The following THSD4 variants were observed in gnomAD, a reference collection of about 807,000 sequenced individuals.
THSD4 encodes thrombospondin type-1 domain-containing protein 4.
Under a neutral mutation model 119.0 loss-of-function variants are expected in THSD4, and 69 were observed. That is an observed-to-expected ratio of 0.58 (90% confidence interval 0.48 to 0.71). The LOEUF (loss-of-function observed/expected upper bound fraction) is 0.71. Ranked by LOEUF, THSD4 falls within the 30% of genes least tolerant of loss-of-function variation. The probability of loss-of-function intolerance (pLI) is 0.00; values close to 1 mark genes in which losing one functional copy is unlikely to be tolerated. For synonymous variants in THSD4, 524 were observed against 540.4 expected (o/e 0.97, Z 0.42); for missense variants, 1,393 against 1,391.1 (o/e 1.00, Z -0.02).
chr15:71,476,352 C>T (rs1231816184), intron 7 of THSD4, among the ~76,000 whole-genome samples: 1 of 152,216 alleles, frequency 6.6e-6, no homozygotes, highest in Non-Finnish European at 1.5e-5. Flanking sequence ...CTGCCTCAGC[C>T]TCCAGAGTAG....
chr15:71,459,160 C>CTTTTTTTTTTTTTTTT lies in THSD4; in HGVS notation c.1152+47340_1152+47355dup, dbSNP rs372209662. 2.3e-4 allele frequency among the ~76,000 whole-genome samples: 29 copies of CTTTTTTTTTTTTTTTT among 128,882 alleles called. 1 individual carries two copies. The highest frequency in any genetic ancestry group is 6.1e-4 in the African/African-American group (21 of 34,598). The allele number at this position is 128,882 out of a possible 152,430, so 84.6% of individuals were successfully genotyped here. A position where few individuals can be genotyped will look rare whatever the true frequency, so the allele number is the denominator to read the frequency against. On this transcript the variant is annotated intron_variant, in intron 7 of 17. Coordinates refer to ENST00000261862, the MANE Select transcript of THSD4 (RefSeq NM_024817.3). ...CTTTTCTTTTTCATTTTCTTTTTTT[C>CTTTTTTTTTTTTTTTT]TTTTTTTTTTTTTTTTTTGACAGAG... is the stretch of plus-strand genomic sequence containing the variant.
At position 71,417,308 on chromosome 15, in the gene THSD4, C is replaced by T. The variant is rs1202296203; in HGVS notation, c.1152+5485C>T. Among the ~76,000 whole-genome samples, 2 of 107,326 alleles carry T rather than the reference C, an allele frequency of 1.9e-5. 1 individual carries two copies. The highest frequency in any genetic ancestry group is 6.4e-5 in the African/African-American group (2 of 31,422). 70.4% of individuals were successfully genotyped at this position (107,326 alleles called of 152,430 possible). On this transcript the variant is annotated intron_variant, in intron 7 of 17. Coordinates refer to ENST00000261862, the MANE Select transcript of THSD4 (RefSeq NM_024817.3). The stretch of plus-strand genomic sequence containing the variant: ...GGGGTATTACTCAAGAAATCTCTGC[C>T]CAGTCCTATGTCCCAGAGAGTTCCC...
chr15:71,165,249 T>C, intron 3 of THSD4: 8 of 1,564,546 alleles, frequency 5.1e-6, no homozygotes, highest in Middle Eastern at 3.8e-4. Flanking sequence ...AATTTTCCTT[T>C]GTCTTTAGCA....
intron 8 of THSD4, among the ~76,000 whole-genome samples, chr15:71,673,035 A>G (rs573555105): frequency 3.1e-4 from 47 of 152,200 alleles, no homozygotes; most frequent in South Asian, 2.1e-3. Context: ...CTCTCTTTCT[A>G]TTGATTGGAA....
intron 6 of THSD4, among the ~76,000 whole-genome samples, chr15:71,377,753 A>T (rs538923222): frequency 4.9e-4 from 74 of 152,132 alleles, no homozygotes; most frequent in African/African-American, 1.8e-3. Flanking sequence ...ACAAGGTTGC[A>T]GGTCATCCTG....
At chr15:71,475,176 A>G (rs113940299) in intron 7 of THSD4, among the ~76,000 whole-genome samples, 5 of 152,228 alleles carry the variant, frequency 3.3e-5, no homozygotes, top group African/African-American at 1.2e-4. Flanking sequence ...AGCCTCAGAT[A>G]GTCGTTAAGT....
intron 6 of THSD4, among the ~76,000 whole-genome samples, chr15:71,299,970 A>ATAT (rs1183840842): frequency 2.6e-5 from 2 of 76,042 alleles, no homozygotes; most frequent in Non-Finnish European, 2.6e-5. Context: ...CAAAAAAAAA[A>ATAT]AAAAAAATAT....
At chr15:71,285,779 G>T (rs2044708316) in intron 6 of THSD4, among the ~76,000 whole-genome samples, 1 of 139,824 alleles carries the variant, frequency 7.2e-6, no homozygotes, top group Non-Finnish European at 1.5e-5. Context: ...GCTTGAACCT[G>T]GGAGGCAGAG....
At chr15:71,276,945 A>G (rs2044596893) in intron 6 of THSD4, among the ~76,000 whole-genome samples, 1 of 152,170 alleles carries the variant, frequency 6.6e-6, no homozygotes, top group African/African-American at 2.4e-5. Context: ...CATTGGGGGC[A>G]GTGTATCCAG....
intron 2 of THSD4, among the ~76,000 whole-genome samples, chr15:71,147,308 G>C (rs750385161): frequency 6.6e-6 from 1 of 152,076 alleles, no homozygotes; most frequent in Non-Finnish European, 1.5e-5. Context: ...GGGCTCAAAC[G>C]ATCCTCCCAC....
upstream of THSD4, chr15:71,111,287 C>T (rs2040302713): frequency 5.6e-6 from 9 of 1,614,024 alleles, no homozygotes; most frequent in East Asian, 2.0e-4. Flanking sequence ...GACATTCCGT[C>T]TGGAAACCAT....
chr15:71,184,355 T>A (rs2043575824), intron 3 of THSD4: 1 of 151,760 alleles, frequency 6.6e-6, no homozygotes, highest in African/African-American at 2.4e-5. Context: ...AATCTCACAC[T>A]TGGGAAATCT....
chr15:71,315,214 A>G (rs1419580844), intron 6 of THSD4, among the ~76,000 whole-genome samples: 1 of 152,194 alleles, frequency 6.6e-6, no homozygotes, highest in Non-Finnish European at 1.5e-5. Context: ...TCTCTGGCTG[A>G]TATACCTGCA....
At chr15:71,147,140 A>G (rs2040670234) in intron 2 of THSD4, among the ~76,000 whole-genome samples, 1 of 152,192 alleles carries the variant, frequency 6.6e-6, no homozygotes, top group South Asian at 2.1e-4. Flanking sequence ...CCAACAGGGA[A>G]TTCTGGGATG....
chr15:71,322,528 A>G (rs2045281850), intron 6 of THSD4, among the ~76,000 whole-genome samples: 1 of 152,232 alleles, frequency 6.6e-6, no homozygotes, highest in Non-Finnish European at 1.5e-5. Flanking sequence ...TCTAAAACCT[A>G]GTGGCTTAAA....
At chr15:71,468,425 A>T (rs534502302) in intron 7 of THSD4, among the ~76,000 whole-genome samples, 2 of 152,172 alleles carry the variant, frequency 1.3e-5, no homozygotes, top group Non-Finnish European at 2.9e-5. Flanking sequence ...TAATATGCTC[A>T]TATGCTAAAA....
chr15:71,610,175 A>G (rs2050196710), intron 7 of THSD4, among the ~76,000 whole-genome samples: 1 of 152,238 alleles, frequency 6.6e-6, no homozygotes, highest in Non-Finnish European at 1.5e-5. Flanking sequence ...GTAACTGATA[A>G]TGATCAGCAC....
At chr15:71,261,650 C>A (rs188259762) in intron 6 of THSD4, among the ~76,000 whole-genome samples, 10 of 152,218 alleles carry the variant, frequency 6.6e-5, no homozygotes, top group Admixed American at 4.6e-4. Flanking sequence ...GGACCCACAT[C>A]GCATGAAGAG....
chr15:71,290,949 G>A (rs2044784326), intron 6 of THSD4, among the ~76,000 whole-genome samples: 1 of 129,604 alleles, frequency 7.7e-6, no homozygotes. Context: ...AGCCCAAAAA[G>A]ACTTATAATG....
Sources: allele counts gnomAD v4.1 joint callset (sites outside exome capture counted in the v4.1 genomes callset), GRCh38; gene constraint gnomAD v4.1.1; transcripts MANE v1.5; gene names NCBI Gene and HGNC (gene_info 2026-07-23, HGNC 2026-07-21).